Variants in EPDR1 observed in about 807,000 individuals in gnomAD.
The protein encoded by EPDR1 is mammalian ependymin-related protein 1.
Under a neutral mutation model 23.7 loss-of-function variants are expected in EPDR1, and 27 were observed. The observed-to-expected ratio is 1.14, with a 90% CI of 0.84 to 1.57. The LOEUF (loss-of-function observed/expected upper bound fraction) is 1.57, where lower values mean the gene tolerates loss of function less well. Ranked by LOEUF, EPDR1 falls within the 40% of genes most tolerant of loss-of-function variation. EPDR1 has a pLI of 0.00. For synonymous variants in EPDR1, 137 were observed against 118.2 expected, an observed-to-expected ratio of 1.16 and a Z score of -1.03; for missense variants, 349 against 290.4, an observed-to-expected ratio of 1.20 and a Z score of -1.47.
chr7:37,932,003 C>T (rs191384125), intron 1 of EPDR1, among the ~76,000 whole-genome samples: 12 of 152,264 alleles, frequency 7.9e-5, no homozygotes, highest in East Asian at 7.7e-4. Context: ...CCACCGCGCC[C>T]GGTCGGGAAC....
At chr7:37,945,117 C>G (rs1786247286) in intron 1 of EPDR1, among the ~76,000 whole-genome samples, 1 of 152,166 alleles carries the variant, frequency 6.6e-6, no homozygotes, top group Non-Finnish European at 1.5e-5. Context: ...GAACAATGCT[C>G]TAAGAGTTGG....
chr7:37,930,465 A>G (rs1785913315), intron 1 of EPDR1, among the ~76,000 whole-genome samples: 3 of 152,252 alleles, frequency 2.0e-5, no homozygotes, highest in Non-Finnish European at 4.4e-5. Context: ...CTTCATATCC[A>G]TTGGAAATGC....
chr7:37,944,856 C>T (rs377435556), intron 1 of EPDR1, among the ~76,000 whole-genome samples: 3 of 152,162 alleles, frequency 2.0e-5, no homozygotes, highest in African/African-American at 4.8e-5. Flanking sequence ...AAGAAGGAAA[C>T]CCCCTCTCCT....
At chr7:37,947,089 C>T (rs897187645) in intron 1 of EPDR1, among the ~76,000 whole-genome samples, 3 of 152,298 alleles carry the variant, frequency 2.0e-5, no homozygotes, top group African/African-American at 7.2e-5. Flanking sequence ...CATTCTGTCA[C>T]CACTCACTCA....
chr7:37,927,256 C>T (rs1045161790), intron 1 of EPDR1, among the ~76,000 whole-genome samples: 4 of 152,242 alleles, frequency 2.6e-5, no homozygotes, highest in African/African-American at 9.7e-5. Context: ...CCTCCCCACA[C>T]ACACTCATAC....
intron 1 of EPDR1, among the ~76,000 whole-genome samples, chr7:37,931,508 C>T (rs147037069): frequency 0.028 from 4,226 of 149,560 alleles, 211 homozygotes; most frequent in African/African-American, 0.097. Context: ...AGCAAGACTC[C>T]ATAAAAAAAT....
chr7:37,936,750 AC>A (rs1786062202), intron 1 of EPDR1, among the ~76,000 whole-genome samples: 1 of 152,160 alleles, frequency 6.6e-6, no homozygotes, highest in African/African-American at 2.4e-5. Flanking sequence ...CTACTTAGAA[AC>A]AAATTTAAAG....
At chr7:37,933,979 T>A (rs942459374) in intron 1 of EPDR1, among the ~76,000 whole-genome samples, 96 of 148,724 alleles carry the variant, frequency 6.5e-4, no homozygotes, top group Middle Eastern at 3.5e-3. Flanking sequence ...TGCCATTCTT[T>A]TTTTTTTTTT....
At chr7:37,927,913 T>C (rs1785850836) in intron 1 of EPDR1, among the ~76,000 whole-genome samples, 1 of 152,198 alleles carries the variant, frequency 6.6e-6, no homozygotes, top group Non-Finnish European at 1.5e-5. Context: ...TAAACCATAC[T>C]GATTTGCAAT....
chr7:37,926,664 G>C (rs759001152), intron 1 of EPDR1: 37 of 453,642 alleles, frequency 8.2e-5, no homozygotes, highest in Admixed American at 7.5e-4. Flanking sequence ...CTCATAATTA[G>C]ATTCAAGTTA....
At chr7:37,931,693 G>GTTTTGTTTTTGT (rs1299845587) in intron 1 of EPDR1, among the ~76,000 whole-genome samples, 1 of 151,588 alleles carries the variant, frequency 6.6e-6, no homozygotes, top group Non-Finnish European at 1.5e-5. Flanking sequence ...GTTTCACTTT[G>GTTTTGTTTTTGT]TTTTGTTTTT....
chr7:37,921,096 G>C lies in EPDR1; in HGVS notation c.157G>C (p.Val53Leu). The change falls in exon 1 of 3, where the codon GTT becomes CTT. Residue 53 changes from valine to leucine, a missense_variant. By Grantham distance (32) the Val-to-Leu change is conservative. Coordinates refer to ENST00000199448, the MANE Select transcript of EPDR1 (RefSeq NM_017549.5). ...QAPQQWEGRQ[V>L]MYQQSSGRNS... ...GCCGCAGCAGTGGGAGGGGCGCCAGGTTATGTACCAGCAAAGTAGCGGGCG... is the reference window on the plus strand; with the variant it reads ...GCCGCAGCAGTGGGAGGGGCGCCAGCTTATGTACCAGCAAAGTAGCGGGCG... The C allele has an allele frequency of 6.3e-7, 1 of 1,590,608 alleles. No homozygotes were observed. Among genetic ancestry groups the C allele is most frequent in the Non-Finnish European group, 8.5e-7 (1 of 1,175,572 alleles).
intron 2 of EPDR1, 103 bp from the exon 3 acceptor site, chr7:37,950,095 GTA>G (rs1786366297): frequency 6.0e-6 from 5 of 829,812 alleles, no homozygotes; most frequent in Non-Finnish European, 9.1e-6. Context: ...CTTAAAAATG[GTA>G]AAATGGTAAA....
intron 1 of EPDR1, among the ~76,000 whole-genome samples, chr7:37,932,167 T>C (rs1449743325): frequency 1.3e-5 from 2 of 149,756 alleles, no homozygotes; most frequent in African/African-American, 2.4e-5. Flanking sequence ...TATGTTTTTT[T>C]CCCCTCTGAA....
intron 1 of EPDR1, among the ~76,000 whole-genome samples, chr7:37,947,936 G>A (rs1177596290): frequency 6.6e-6 from 1 of 152,218 alleles, no homozygotes; most frequent in Non-Finnish European, 1.5e-5. Flanking sequence ...AGCTAAGGGA[G>A]TCATTTGCTC....
chr7:37,922,071 C>T (rs1031065453), intron 1 of EPDR1, among the ~76,000 whole-genome samples: 10 of 152,144 alleles, frequency 6.6e-5, no homozygotes, highest in African/African-American at 1.4e-4. Flanking sequence ...GGGATCACCA[C>T]CTGTCTCCCT....
intron 1 of EPDR1, among the ~76,000 whole-genome samples, chr7:37,927,166 G>C (rs1466458973): frequency 6.6e-6 from 1 of 152,172 alleles, no homozygotes; most frequent in African/African-American, 2.4e-5. Flanking sequence ...CTCTGGTCAT[G>C]CTCAGTGCTA....
chr7:37,927,724 A>C lies in EPDR1; in HGVS notation c.269+6516A>C, dbSNP rs186484070. Among the ~76,000 whole-genome samples the C allele has an allele frequency of 2.4e-3, 363 of 152,320 alleles. 2 individuals carry two copies. Among genetic ancestry groups the C allele is most frequent in the Middle Eastern group, 6.8e-3 (2 of 294 alleles). On this transcript the variant is annotated intron_variant, in intron 1 of 2. Transcript: ENST00000199448. ...GCTCAATAAATCTATTTGATCATGA[A>C]TCTTGTCTTGCATGGATTGGATTTT...
chr7:37,929,903 C>A (rs1378449764), intron 1 of EPDR1, among the ~76,000 whole-genome samples: 1 of 152,140 alleles, frequency 6.6e-6, no homozygotes, highest in Non-Finnish European at 1.5e-5. Flanking sequence ...CCAATGTGGG[C>A]ATTTGAGATT....
Sources: allele counts gnomAD v4.1 joint callset (sites outside exome capture counted in the v4.1 genomes callset), GRCh38; gene constraint gnomAD v4.1.1; transcripts MANE v1.5; gene names NCBI Gene and HGNC (gene_info 2026-07-23, HGNC 2026-07-21).